Variants in BCL6 observed in about 807,000 individuals in gnomAD.
BCL6 encodes BCL6 transcription repressor, also known as B-cell lymphoma 6 protein.
In BCL6, 7 loss-of-function variants were observed where a neutral mutation model predicts 59.5. The ratio of observed to expected loss-of-function variants is 0.12; its 90% CI spans 0.07 to 0.22. The LOEUF (loss-of-function observed/expected upper bound fraction) is 0.22. Ranked by LOEUF, BCL6 falls within the 10% of genes least tolerant of loss-of-function variation. BCL6 has a pLI of 1.00. For missense variants in BCL6, 685 were observed against 939.4 expected, an observed-to-expected ratio of 0.73 and a Z score of 3.54; for synonymous variants, 339 against 349.7, an observed-to-expected ratio of 0.97 and a Z score of 0.34.
At chr3:187,742,876 C>T (rs2108481269) in intron 1 of BCL6, among the ~76,000 whole-genome samples, 1 of 152,242 alleles carries the variant, frequency 6.6e-6, no homozygotes, top group South Asian at 2.1e-4. Flanking sequence ...ATGTTTGCTA[C>T]CTCCAGGAAT....
intron 1 of BCL6, among the ~76,000 whole-genome samples, chr3:187,740,375 C>G (rs928254783): frequency 3.3e-5 from 5 of 152,058 alleles, no homozygotes; most frequent in Non-Finnish European, 7.4e-5. Flanking sequence ...CCCCGAGCTC[C>G]GAGACCCACA....
intron 1 of BCL6, among the ~76,000 whole-genome samples, chr3:187,738,331 C>A (rs569296975): frequency 1.3e-5 from 2 of 152,202 alleles, no homozygotes; most frequent in Non-Finnish European, 2.9e-5. Context: ...GGCTGAGGGT[C>A]TCCATCATAG....
Position 187,725,198 on chromosome 3 carries a change from A to G in BCL6, c.1840-120T>C. 6.9e-7 allele frequency: 1 copy of G among 1,447,752 alleles called. No individual in the cohort carries two copies. Among genetic ancestry groups the G allele is most frequent in the Non-Finnish European group, 9.5e-7 (1 of 1,056,616 alleles). 89.7% of individuals were successfully genotyped at this position (1,447,752 alleles called of 1,614,324 possible). On this transcript the variant is annotated intron_variant, in intron 8 of 9. Transcript: ENST00000406870. This position sits in a 1 kb window ranked among gnomAD's most constrained non-coding sequence, Gnocchi z 4.7. ...TCCAGGCCACTCTGCTCACCTGCAC[A>G]CAGGGACTGAGTGGGCCTTTCTGCT... is the stretch of plus-strand genomic sequence containing the variant.
chr3:187,722,645 A>T (rs1245201075), intron 9 of BCL6, 44 bp from the exon 10 acceptor site: 2 of 1,593,644 alleles, frequency 1.3e-6, no homozygotes, highest in African/African-American at 2.7e-5. Context: ...CATCAACCCA[A>T]GAAAGATGTC....
intron 3 of BCL6, among the ~76,000 whole-genome samples, chr3:187,733,235 C>T (rs1022753887): frequency 1.3e-5 from 2 of 152,106 alleles, no homozygotes; most frequent in African/African-American, 4.8e-5. Context: ...CATTTTTTCA[C>T]TGGTTAACTG....
chr3:187,731,889 T>C lies in BCL6; in HGVS notation c.203A>G (p.Asn68Ser), dbSNP rs911170380. Residue 68 changes from asparagine (N) to serine (S), a missense_variant, in exon 4 of 10, where the codon AAC becomes AGC. Physicochemically the swap from Asn to Ser is conservative, Grantham distance 46 (BLOSUM62 1). Coordinates refer to ENST00000406870, the MANE Select transcript of BCL6 (RefSeq NM_001706.5). Reference sequence around the variant, plus strand: ...AGGATCTAGATTGATCACACTAAGGTTGCATTTCAACTGGTCTGTAAAGAT... The same window carrying C: ...AGGATCTAGATTGATCACACTAAGGCTGCATTTCAACTGGTCTGTAAAGAT... ...YSIFTDQLKC[N>S]LSVINLDPEI... 8.7e-6 allele frequency: 14 copies of C among 1,614,024 alleles called. No homozygotes were observed. Among genetic ancestry groups the C allele is most frequent in the Admixed American group, 6.7e-5 (4 of 59,996 alleles).
chr3:187,724,241 A>G (rs1435912365), intron 9 of BCL6, among the ~76,000 whole-genome samples: 1 of 152,208 alleles, frequency 6.6e-6, no homozygotes, highest in Non-Finnish European at 1.5e-5. Context: ...ACTTAGGGAC[A>G]ATGAAATTTA....
At chr3:187,723,027 G>T (rs1718502247) in intron 9 of BCL6, among the ~76,000 whole-genome samples, 1 of 152,142 alleles carries the variant, frequency 6.6e-6, no homozygotes, top group African/African-American at 2.4e-5. Flanking sequence ...TCTTCAGTGG[G>T]TAACACTTTG....
At position 187,728,502 on chromosome 3, in the gene BCL6, T is replaced by C. The variant is rs1251233671; in HGVS notation, c.1398A>G (p.Ser466=). 4.3e-6 allele frequency: 7 copies of C among 1,610,756 alleles called. No individual in the cohort carries two copies. Among genetic ancestry groups the C allele is most frequent in the Non-Finnish European group, 5.9e-6 (7 of 1,179,376 alleles). Reference sequence around the variant, plus strand: ...ACTTCGGGGGGTGCATGTAGAGTGGTGAGTGGCTCTCGCTGCTGCTGCGGG... The same window carrying C: ...ACTTCGGGGGGTGCATGTAGAGTGGCGAGTGGCTCTCGCTGCTGCTGCGGG... ...GSPRSSSESH[S]PLYMHPPKCT... The change falls in exon 6 of 10, where the codon TCA becomes TCG. Residue 466 remains serine (S), a synonymous_variant. Transcript: ENST00000406870.
At chr3:187,727,067 T>C (rs1295192539) in intron 6 of BCL6, among the ~76,000 whole-genome samples, 169 bp from the exon 7 acceptor site, 1 of 152,162 alleles carries the variant, frequency 6.6e-6, no homozygotes, top group Non-Finnish European at 1.5e-5. Flanking sequence ...GGGGACTTTA[T>C]TTTTCTTATC....
chr3:187,724,832 G>C (rs1003883090), intron 9 of BCL6, 109 bp downstream of exon 9: 1 of 1,463,442 alleles, frequency 6.8e-7, no homozygotes, highest in Admixed American at 2.1e-5. Flanking sequence ...TGAGATGGGA[G>C]CAAACAGTTC....
chr3:187,736,496 G>A (rs1719289039), intron 1 of BCL6: 1 of 152,122 alleles, frequency 6.6e-6, no homozygotes, highest in Non-Finnish European at 1.5e-5. Flanking sequence ...CCACCAGCTC[G>A]CTTGTGGATT....
chr3:187,744,519 C>A (rs1711787585), intron 1 of BCL6, among the ~76,000 whole-genome samples: 1 of 152,272 alleles, frequency 6.6e-6, no homozygotes, highest in African/African-American at 2.4e-5. Flanking sequence ...TTAGGAAGAT[C>A]ACGGCTCTGA....
intron 1 of BCL6, among the ~76,000 whole-genome samples, chr3:187,744,388 G>C (rs1711774348): frequency 6.7e-6 from 1 of 149,898 alleles, no homozygotes; most frequent in Non-Finnish European, 1.5e-5. Context: ...GGGAGAGCGC[G>C]CGGAGGTTCC....
chr3:187,722,310 A>AACCCCCC lies in BCL6; in HGVS notation c.*147_*148insGGGGGGT. On this transcript the variant is annotated 3_prime_UTR_variant, in exon 10 of 10. Coordinates refer to ENST00000406870, the MANE Select transcript of BCL6 (RefSeq NM_001706.5). The stretch of plus-strand genomic sequence containing the variant: ...GCGGCTCCCAGTCCCCCAGGCCCCG[A>AACCCCCC]CCCCCACCACCCCCAACCCCCAGCT... 8.9e-6 allele frequency: 1 copy of AACCCCCC among 112,696 alleles called. No homozygotes were observed. The allele number at this position is 112,696 out of a possible 1,614,324, so 7.0% of individuals were successfully genotyped here.
At chr3:187,745,150 TA>T (rs2108485306) in intron 1 of BCL6, among the ~76,000 whole-genome samples, 1 of 152,154 alleles carries the variant, frequency 6.6e-6, no homozygotes, top group African/African-American at 2.4e-5. Flanking sequence ...TAACAATCTA[TA>T]TCCTATGGTG....
chr3:187,741,644 C>T (rs1467092664), intron 1 of BCL6, among the ~76,000 whole-genome samples: 2 of 152,154 alleles, frequency 1.3e-5, no homozygotes, highest in Non-Finnish European at 2.9e-5. Flanking sequence ...GCTGTGCTCG[C>T]GGCGGCAGCG....
At chr3:187,730,837 G>A (rs533379323) in intron 4 of BCL6, among the ~76,000 whole-genome samples, 1 of 152,310 alleles carries the variant, frequency 6.6e-6, no homozygotes, top group South Asian at 2.1e-4. Flanking sequence ...CACAGTTAAC[G>A]GAGCTAGAAC....
At position 187,738,763 on chromosome 3, in the gene BCL6, G is replaced by C. The variant is rs1317823315; in HGVS notation, c.-49-3856C>G. On this transcript the variant is annotated intron_variant, in intron 1 of 9. Transcript: ENST00000406870. ...GCCGCTCATCCCTTCTGCGGCAAGC[G>C]GAAGGGTCAGAGTCGGTCTGCAAAG... Among the ~76,000 whole-genome samples the C allele has an allele frequency of 2.6e-5, 4 of 152,310 alleles. No homozygotes were observed. The South Asian group carries it at 6.2e-4, about 24-fold the overall frequency.
Sources: gnomAD v4.1 joint callset for allele counts (sites outside exome capture counted in the v4.1 genomes callset) on GRCh38, gnomAD v4.1.1 for gene constraint, Gnocchi (gnomAD v3.1) non-coding constraint, MANE v1.5 for transcripts, NCBI Gene and HGNC (gene_info 2026-07-23, HGNC 2026-07-21) for gene names.